FARS2: variants seen among roughly 807,000 people sequenced by gnomAD.
The protein encoded by FARS2 is phenylalanyl-tRNA synthetase 2, mitochondrial, also known as phenylalanine--tRNA ligase, mitochondrial.
Under a neutral mutation model 46.4 loss-of-function variants are expected in FARS2, and 40 were observed. The ratio of observed to expected loss-of-function variants is 0.86; its 90% CI spans 0.67 to 1.12. The LOEUF is 1.12. Among genes scored for constraint, FARS2 ranks in the 50% most tolerant of loss-of-function variants. The pLI, the probability that FARS2 is intolerant of heterozygous loss-of-function variation, is 0.00. For synonymous variants in FARS2, 234 were observed against 214.9 expected (o/e 1.09, Z -0.78); for missense variants, 513 against 567.9 (o/e 0.90, Z 0.98).
intron 1 of FARS2, among the ~76,000 whole-genome samples, chr6:5,322,230 T>C (rs1770029504): frequency 6.6e-6 from 1 of 152,252 alleles, no homozygotes. Flanking sequence ...TCATTTTGTT[T>C]TGACTTAATA....
intron 6 of FARS2, among the ~76,000 whole-genome samples, chr6:5,674,193 T>TAAAAA (rs71540878): frequency 2.6e-5 from 2 of 76,352 alleles, no homozygotes; most frequent in East Asian, 8.7e-4. Flanking sequence ...GCATTCTCAT[T>TAAAAA]AAAAAAAAAA....
intron 6 of FARS2, among the ~76,000 whole-genome samples, chr6:5,706,266 A>G (rs146937349): frequency 3.0e-4 from 46 of 152,322 alleles, no homozygotes; most frequent in African/African-American, 1.1e-3. Flanking sequence ...ACTTCCTGCC[A>G]CGCAGCCTGC....
At position 5,677,694 on chromosome 6, in the gene FARS2, A is replaced by C. The variant is rs148465498; in HGVS notation, c.1217+64374A>C. Among the ~76,000 whole-genome samples the C allele has an allele frequency of 8.4e-4, 128 of 152,340 alleles. 1 individual carries two copies. The highest frequency in any genetic ancestry group is 3.0e-3 in the African/African-American group (125 of 41,572). ...GGGCTGTAGTCAAAGAGTCAAAGGC[A>C]AGAGTCATTGTTCTTCCCTGTGAGC... On this transcript the variant is annotated intron_variant, in intron 6 of 6. Transcript: ENST00000274680.
At chr6:5,655,455 T>G (rs1185658265) in intron 6 of FARS2, among the ~76,000 whole-genome samples, 1 of 152,184 alleles carries the variant, frequency 6.6e-6, no homozygotes, top group Non-Finnish European at 1.5e-5. Flanking sequence ...CAGCTGCAGA[T>G]CAGATGCCTG....
chr6:5,441,769 G>A (rs1266697379), intron 4 of FARS2, among the ~76,000 whole-genome samples: 1 of 152,136 alleles, frequency 6.6e-6, no homozygotes, highest in African/African-American at 2.4e-5. Flanking sequence ...TTTACCTAGC[G>A]GTAGAATTGC....
chr6:5,465,984 A>G (rs1430248993), intron 4 of FARS2, among the ~76,000 whole-genome samples: 1 of 152,144 alleles, frequency 6.6e-6, no homozygotes, highest in Admixed American at 6.5e-5. Flanking sequence ...ACATACCTCA[A>G]TAACTCTGTG....
intron 5 of FARS2, among the ~76,000 whole-genome samples, chr6:5,565,251 G>A (rs1772258270): frequency 6.6e-6 from 1 of 152,174 alleles, no homozygotes; most frequent in Non-Finnish European, 1.5e-5. Flanking sequence ...AGGATCAGCA[G>A]TATTCCAAGC....
chr6:5,385,760 G>A (rs1253072041), intron 2 of FARS2, among the ~76,000 whole-genome samples: 1 of 152,090 alleles, frequency 6.6e-6, no homozygotes, highest in East Asian at 1.9e-4. Flanking sequence ...GTGTGCTTAT[G>A]TTTAGCAGTG....
At chr6:5,495,482 T>C (rs188797062) in intron 4 of FARS2, among the ~76,000 whole-genome samples, 5 of 152,336 alleles carry the variant, frequency 3.3e-5, no homozygotes, top group Admixed American at 2.0e-4. Flanking sequence ...ACTTCCTCTG[T>C]TCCACCGATG....
chr6:5,495,133 A>G (rs1316941763), intron 4 of FARS2, among the ~76,000 whole-genome samples: 1 of 152,156 alleles, frequency 6.6e-6, no homozygotes, highest in African/African-American at 2.4e-5. Flanking sequence ...TAGATAATAA[A>G]ATCCTTTTCC....
intron 2 of FARS2, among the ~76,000 whole-genome samples, chr6:5,393,491 C>T (rs1045699982): frequency 6.6e-6 from 1 of 151,890 alleles, no homozygotes; most frequent in African/African-American, 2.4e-5. Flanking sequence ...CCCGTCTCTA[C>T]TAAAAATACA....
chr6:5,256,987 A>G (rs1359808962), upstream of FARS2, among the ~76,000 whole-genome samples: 5 of 152,018 alleles, frequency 3.3e-5, no homozygotes, highest in African/African-American at 4.8e-5. Flanking sequence ...CAAATACAAC[A>G]TTCTTCTCTA....
chr6:5,462,991 G>T (rs545910380), intron 4 of FARS2, among the ~76,000 whole-genome samples: 12 of 152,302 alleles, frequency 7.9e-5, no homozygotes, highest in Admixed American at 3.3e-4. Context: ...AATTATTTTT[G>T]TAAGCCCTGC....
chr6:5,563,669 A>G (rs1319563144), intron 5 of FARS2, among the ~76,000 whole-genome samples: 2 of 152,080 alleles, frequency 1.3e-5, no homozygotes, highest in South Asian at 2.1e-4. Flanking sequence ...GAAGAATGGC[A>G]TGTCCATGTG....
chr6:5,488,841 C>T (rs891468102), intron 4 of FARS2, among the ~76,000 whole-genome samples: 9 of 152,150 alleles, frequency 5.9e-5, no homozygotes, highest in African/African-American at 2.2e-4. Flanking sequence ...CAGACACACA[C>T]ATGTACATGC....
the FARS2 span, among the ~76,000 whole-genome samples, chr6:5,253,818 G>C: frequency 2.3e-5 from 3 of 131,134 alleles, no homozygotes; most frequent in Non-Finnish European, 3.1e-5. Flanking sequence ...CAATAAGTGG[G>C]TGCCTCATGC....
At chr6:5,550,450 GAGA>G (rs1189886024) in intron 5 of FARS2, among the ~76,000 whole-genome samples, 1 of 152,116 alleles carries the variant, frequency 6.6e-6, no homozygotes, top group Non-Finnish European at 1.5e-5. Flanking sequence ...GTTTTTAGTA[GAGA>G]AGGTGTCTTG....
chr6:5,289,882 G>A (rs920324983), intron 1 of FARS2, among the ~76,000 whole-genome samples: 1 of 152,224 alleles, frequency 6.6e-6, no homozygotes, highest in South Asian at 2.1e-4. Flanking sequence ...GGAAGTCAGT[G>A]TGAATTGGCC....
At chr6:5,682,393 C>G (rs569132844) in intron 6 of FARS2, among the ~76,000 whole-genome samples, 5 of 152,038 alleles carry the variant, frequency 3.3e-5, no homozygotes, top group East Asian at 3.9e-4. Flanking sequence ...TATGCAAGAC[C>G]CTTGTATTTT....
Sources: gnomAD v4.1 joint callset for allele counts (sites outside exome capture counted in the v4.1 genomes callset) on GRCh38, gnomAD v4.1.1 for gene constraint, MANE v1.5 for transcripts, NCBI Gene and HGNC (gene_info 2026-07-23, HGNC 2026-07-21) for gene names.